The following CFAP20DC variants were observed in gnomAD, a reference collection of about 807,000 sequenced individuals.
CFAP20DC encodes CFAP20 domain containing.
Under a neutral mutation model 101.7 loss-of-function variants are expected in CFAP20DC, and 84 were observed. The ratio of observed to expected loss-of-function variants is 0.83; its 90% CI spans 0.69 to 0.99. CFAP20DC has a LOEUF of 0.99. Among genes scored for constraint, CFAP20DC ranks in the 50% least tolerant of loss-of-function variants. The pLI is 0.00. For missense variants in CFAP20DC, 1,007 were observed against 970.3 expected, an observed-to-expected ratio of 1.04 and a Z score of -0.50; for synonymous variants, 359 against 351.2, an observed-to-expected ratio of 1.02 and a Z score of -0.25.
chr3:58,919,596 A>G (rs1331090388), intron 5 of CFAP20DC, among the ~76,000 whole-genome samples: 1 of 152,232 alleles, frequency 6.6e-6, no homozygotes, highest in East Asian at 1.9e-4. Context: ...TATAGAGAGC[A>G]CTGGCATCTT....
chr3:58,875,847 T>G (rs2080705262), intron 7 of CFAP20DC, among the ~76,000 whole-genome samples: 1 of 152,154 alleles, frequency 6.6e-6, no homozygotes, highest in Non-Finnish European at 1.5e-5. Flanking sequence ...AATGAACATA[T>G]TAACCAGTTC....
rs2067587294 is a variant in CFAP20DC, at chr3:58,728,453, G to T, written c.198-10825C>A. Among the ~76,000 whole-genome samples, 1 of 152,182 alleles carries T rather than the reference G, an allele frequency of 6.6e-6. No homozygotes were observed. The highest frequency in any genetic ancestry group is 2.1e-4 in the South Asian group (1 of 4,828). On this transcript the variant is annotated intron_variant, in intron 3 of 3. Transcript: ENST00000486145. This position sits in a 1 kb window ranked among gnomAD's most constrained non-coding sequence, Gnocchi z 4.7. ...TGTTATTCAGACCTTTACGTGATTT[G>T]TAAAAACTTCACATGGCTGCAAGAG... is the stretch of plus-strand genomic sequence containing the variant.
intron 14 of CFAP20DC, among the ~76,000 whole-genome samples, chr3:58,818,611 C>T (rs2075378337): frequency 6.8e-6 from 1 of 146,090 alleles, no homozygotes; most frequent in South Asian, 2.2e-4. Flanking sequence ...TATATATGCA[C>T]CCAATACAGG....
At chr3:58,886,908 T>C (rs1004725734) in intron 6 of CFAP20DC, among the ~76,000 whole-genome samples, 5 of 152,168 alleles carry the variant, frequency 3.3e-5, no homozygotes, top group Non-Finnish European at 7.4e-5. Flanking sequence ...TTTGTGTGTA[T>C]ATATGTGACT....
chr3:58,981,751 A>G (rs2092556522), intron 4 of CFAP20DC, among the ~76,000 whole-genome samples: 1 of 152,158 alleles, frequency 6.6e-6, no homozygotes, highest in Non-Finnish European at 1.5e-5. Context: ...AACCATAAAA[A>G]CCCTAGAAGA....
At chr3:58,876,509 T>C (rs1279813947) in intron 7 of CFAP20DC, among the ~76,000 whole-genome samples, 2 of 152,148 alleles carry the variant, frequency 1.3e-5, no homozygotes, top group African/African-American at 4.8e-5. Context: ...ATTAAAGTCA[T>C]GTTCTAGGCA....
At chr3:58,961,802 T>C (rs993391628) in intron 4 of CFAP20DC, among the ~76,000 whole-genome samples, 10 of 152,278 alleles carry the variant, frequency 6.6e-5, no homozygotes, top group Middle Eastern at 3.4e-3. Flanking sequence ...AAATTGTCTA[T>C]GGAGTTGGCA....
chr3:58,949,056 G>A (rs974095552), intron 4 of CFAP20DC, among the ~76,000 whole-genome samples: 1 of 152,120 alleles, frequency 6.6e-6, no homozygotes, highest in Non-Finnish European at 1.5e-5. Flanking sequence ...ATTTCTTCTA[G>A]ATTTTCTAGT....
intron 3 of CFAP20DC, chr3:58,727,043 A>C: frequency 4.0e-6 from 1 of 249,290 alleles, no homozygotes; most frequent in Admixed American, 5.7e-5. Flanking sequence ...AAAGATGAGA[A>C]GGACCCATCA....
intron 14 of CFAP20DC, among the ~76,000 whole-genome samples, chr3:58,819,103 G>C (rs1444254796): frequency 6.8e-5 from 10 of 148,098 alleles, no homozygotes. Flanking sequence ...CGAGAACAAA[G>C]ACACAACATA....
intron 15 of CFAP20DC, among the ~76,000 whole-genome samples, chr3:58,796,824 T>C (rs1227747820): frequency 1.3e-5 from 2 of 152,226 alleles, no homozygotes; most frequent in East Asian, 1.9e-4. Context: ...CTGTGCCACA[T>C]TCTGGTAATT....
chr3:58,842,826 A>C (rs1258271557), intron 13 of CFAP20DC, among the ~76,000 whole-genome samples: 1 of 152,250 alleles, frequency 6.6e-6, no homozygotes, highest in Non-Finnish European at 1.5e-5. Context: ...GACAACCGGC[A>C]GACTGCCTCC....
chr3:58,881,131 T>A (rs1392926633), intron 7 of CFAP20DC, among the ~76,000 whole-genome samples: 1 of 152,182 alleles, frequency 6.6e-6, no homozygotes, highest in Non-Finnish European at 1.5e-5. Flanking sequence ...GATTATTTCA[T>A]GTTTTTTTGC....
chr3:58,806,290 G>A (rs1284299149), intron 15 of CFAP20DC, 105 bp downstream of exon 15: 4 of 755,798 alleles, frequency 5.3e-6, no homozygotes, highest in Admixed American at 4.4e-5. Flanking sequence ...ACATAAGTTT[G>A]GAAGCTAGAA....
At chr3:58,982,563 G>A (rs952644722) in intron 4 of CFAP20DC, among the ~76,000 whole-genome samples, 28 of 151,862 alleles carry the variant, frequency 1.8e-4, no homozygotes, top group African/African-American at 2.7e-4. Context: ...GTAGGGACAT[G>A]GATGAAACTG....
At chr3:58,906,315 C>T (rs2083581353) in intron 6 of CFAP20DC, among the ~76,000 whole-genome samples, 1 of 152,154 alleles carries the variant, frequency 6.6e-6, no homozygotes, top group Non-Finnish European at 1.5e-5. Flanking sequence ...ACTATGTTAT[C>T]CTTTGTCCTT....
chr3:58,796,602 T>C (rs920355439), intron 15 of CFAP20DC, among the ~76,000 whole-genome samples: 2 of 152,148 alleles, frequency 1.3e-5, no homozygotes, highest in Non-Finnish European at 2.9e-5. Flanking sequence ...TCAGTTAAAT[T>C]TGACAGTGCA....
intron 4 of CFAP20DC, chr3:58,992,459 C>T (rs983286091): frequency 3.7e-6 from 2 of 543,118 alleles, no homozygotes; most frequent in African/African-American, 2.1e-5. Flanking sequence ...AGTTGAATGA[C>T]ATATTGGTCA....
chr3:59,000,042 A>G (rs2093265318), intron 4 of CFAP20DC, among the ~76,000 whole-genome samples: 1 of 152,132 alleles, frequency 6.6e-6, no homozygotes, highest in East Asian at 1.9e-4. Flanking sequence ...CTGCCTGTCC[A>G]ACCTTGAACT....
Sources: gnomAD v4.1 joint callset for allele counts (sites outside exome capture counted in the v4.1 genomes callset) on GRCh38, gnomAD v4.1.1 for gene constraint, Gnocchi (gnomAD v3.1) non-coding constraint, MANE v1.5 for transcripts, NCBI Gene and HGNC (gene_info 2026-07-23, HGNC 2026-07-21) for gene names.